MYO1H: variants seen among roughly 807,000 people sequenced by gnomAD.
MYO1H encodes the protein myosin IH.
A neutral mutation model predicts 149.3 loss-of-function variants in MYO1H; 118 were observed. That is an observed-to-expected ratio of 0.79 (90% CI 0.68 to 0.92). MYO1H has a LOEUF of 0.92. MYO1H is among the 40% of genes least tolerant of loss of function. MYO1H has a pLI of 0.00. For synonymous variants in MYO1H, 447 were observed against 465.2 expected (o/e 0.96, Z 0.50); for missense variants, 1,212 against 1,280.7 (o/e 0.95, Z 0.82).
At position 109,401,278 on chromosome 12, in the gene MYO1H, A is replaced by G; in HGVS notation, c.750+6A>G. Reference sequence around the variant, plus strand: ...TGTATAAATACCTCTCACAGGTGGGAAGGACCAGCACCTGGCTTTGGTGAC... The same window carrying G: ...TGTATAAATACCTCTCACAGGTGGGGAGGACCAGCACCTGGCTTTGGTGAC... On this transcript the variant is annotated splice_donor_region_variant and intron_variant, in intron 6 of 31. Transcript: ENST00000310903. The G allele has an allele frequency of 1.2e-6, 2 of 1,606,070 alleles. No homozygotes were observed. The highest frequency in any genetic ancestry group is 1.7e-6 in the Non-Finnish European group (2 of 1,175,674).
intron 1 of MYO1H, among the ~76,000 whole-genome samples, chr12:109,385,183 T>C (rs1023995682): frequency 6.6e-6 from 1 of 152,330 alleles, no homozygotes; most frequent in South Asian, 2.1e-4. Context: ...AGAGATAGGA[T>C]TTGAACTTGG....
intron 2 of MYO1H, among the ~76,000 whole-genome samples, chr12:109,389,685 A>G (rs1398230925): frequency 6.6e-6 from 1 of 152,200 alleles, no homozygotes. Context: ...TTTTTCAGGT[A>G]AATTCCTCTA....
rs567849953 is a variant in MYO1H, at chr12:109,421,059, G to A, written c.1644+32G>A. ...CTGACACTTAACTGTATGTGTTTCT[G>A]ATTATTTTGAAATATTACCCATGAT... On this transcript the variant is annotated intron_variant, in intron 16 of 31. Transcript: ENST00000310903. 3.3e-5 allele frequency: 47 copies of A among 1,424,212 alleles called. No individual in the cohort carries two copies. The East Asian group carries it at 8.3e-4, about 25-fold the overall frequency. The allele number at this position is 1,424,212 out of a possible 1,614,324, so 88.2% of individuals were successfully genotyped here. A position where few individuals can be genotyped will look rare whatever the true frequency, so the allele number is the denominator to read the frequency against.
chr12:109,427,272 T>C (rs551499428), intron 18 of MYO1H, among the ~76,000 whole-genome samples, 197 bp from the exon 19 acceptor site: 37 of 144,112 alleles, frequency 2.6e-4, no homozygotes, highest in African/African-American at 9.8e-4. Context: ...GCCGAGATTG[T>C]GCCACTGCAC....
At chr12:109,360,038 T>C (rs1868708401) in intron 1 of MYO1H, among the ~76,000 whole-genome samples, 1 of 152,202 alleles carries the variant, frequency 6.6e-6, no homozygotes. Context: ...AGCCTATTTC[T>C]TAGGAACAAG....
chr12:109,386,872 T>C (rs1260062180), intron 1 of MYO1H, among the ~76,000 whole-genome samples: 1 of 152,170 alleles, frequency 6.6e-6, no homozygotes, highest in African/African-American at 2.4e-5. Flanking sequence ...TTATTATTTC[T>C]TCCTGGCTCT....
At chr12:109,442,772 G>A (rs147843494) in intron 27 of MYO1H, among the ~76,000 whole-genome samples, 57 of 147,500 alleles carry the variant, frequency 3.9e-4, no homozygotes, top group African/African-American at 1.4e-3. Context: ...AAGCCCTGGT[G>A]ATCGTGTGTG....
chr12:109,328,937 A>AT, the MYO1H span, among the ~76,000 whole-genome samples: 2 of 152,190 alleles, frequency 1.3e-5, no homozygotes, highest in Non-Finnish European at 2.9e-5. Flanking sequence ...CTCAGCACAC[A>AT]TAAAAAGTGG....
chr12:109,431,992 ATTTTTT>A (rs554701536), intron 19 of MYO1H, among the ~76,000 whole-genome samples: 10 of 85,746 alleles, frequency 1.2e-4, no homozygotes, highest in East Asian at 7.1e-4. Context: ...TAAAAAAAAA[ATTTTTT>A]TTTTTTTTTT....
chr12:109,348,547 C>T (rs565951169), intron 1 of MYO1H, among the ~76,000 whole-genome samples: 11 of 152,216 alleles, frequency 7.2e-5, no homozygotes, highest in African/African-American at 1.4e-4. Flanking sequence ...CTTTTAAATG[C>T]GATAAGCCCA....
chr12:109,422,676 C>T (rs1231860237), intron 16 of MYO1H, among the ~76,000 whole-genome samples: 2 of 152,128 alleles, frequency 1.3e-5, no homozygotes, highest in Non-Finnish European at 2.9e-5. Flanking sequence ...GACTTCAGGA[C>T]GGAACACTTC....
chr12:109,339,206 A>C, the MYO1H span, among the ~76,000 whole-genome samples: 3 of 152,130 alleles, frequency 2.0e-5, no homozygotes, highest in Non-Finnish European at 4.4e-5. Context: ...CTCTACTAAA[A>C]TTACAAAAAT....
upstream of MYO1H, among the ~76,000 whole-genome samples, chr12:109,345,802 T>C (rs556172793): frequency 1.0e-3 from 159 of 152,182 alleles, no homozygotes; most frequent in Non-Finnish European, 2.0e-3. Context: ...TGCTAAAACA[T>C]GGATGAAACT....
At chr12:109,313,486 C>T in the MYO1H span, among the ~76,000 whole-genome samples, 2 of 152,204 alleles carry the variant, frequency 1.3e-5, no homozygotes, top group Non-Finnish European at 2.9e-5. Flanking sequence ...CTGCTGTTAG[C>T]ATGACTGATA....
At chr12:109,434,391 G>A (rs887557684) in intron 20 of MYO1H, among the ~76,000 whole-genome samples, 1 of 152,190 alleles carries the variant, frequency 6.6e-6, no homozygotes, top group African/African-American at 2.4e-5. Context: ...CTACTCGGGA[G>A]TCTGAGGCAC....
At chr12:109,396,269 C>A in intron 3 of MYO1H, 115 bp from the exon 4 acceptor site, 1 of 794,196 alleles carries the variant, frequency 1.3e-6, no homozygotes, top group Non-Finnish European at 2.0e-6. Flanking sequence ...CCTTGTACCA[C>A]AGTCTGGATG....
At chr12:109,353,844 G>A (rs995758282) in intron 1 of MYO1H, among the ~76,000 whole-genome samples, 3 of 152,042 alleles carry the variant, frequency 2.0e-5, no homozygotes, top group African/African-American at 4.8e-5. Flanking sequence ...AGTAGAAACG[G>A]GGTTTCACCA....
the MYO1H span, among the ~76,000 whole-genome samples, chr12:109,328,123 AACACACAC>A: frequency 6.8e-6 from 1 of 146,228 alleles, no homozygotes; most frequent in African/African-American, 2.5e-5. Flanking sequence ...TGGGGATCAT[AACACACAC>A]ACACACACGC....
chr12:109,370,232 G>A (rs1244999994), intron 1 of MYO1H, among the ~76,000 whole-genome samples: 3 of 152,200 alleles, frequency 2.0e-5, no homozygotes, highest in African/African-American at 7.2e-5. Flanking sequence ...CCTGGCTGAA[G>A]CCAGGGTAGT....
Sources: gnomAD v4.1 joint callset for allele counts (sites outside exome capture counted in the v4.1 genomes callset) on GRCh38, gnomAD v4.1.1 for gene constraint, MANE v1.5 for transcripts, NCBI Gene and HGNC (gene_info 2026-07-23, HGNC 2026-07-21) for gene names.